The following RABL3 variants were observed in gnomAD, a reference collection of about 807,000 sequenced individuals.
The protein encoded by RABL3 is rab-like protein 3.
RABL3 carries 31 observed loss-of-function variants against 31.8 expected under a neutral mutation model. The observed-to-expected ratio is 0.97, with a 90% CI of 0.73 to 1.31. The LOEUF is 1.31. Among genes scored for constraint, RABL3 ranks in the 40% most tolerant of loss-of-function variants. The pLI, the probability that RABL3 is intolerant of heterozygous loss-of-function variation, is 0.00. For synonymous variants in RABL3, 97 were observed against 99.9 expected (o/e 0.97, Z 0.18); for missense variants, 263 against 279.6 (o/e 0.94, Z 0.42).
chr3:120,707,164 C>T (rs1272326777), intron 3 of RABL3, among the ~76,000 whole-genome samples: 1 of 152,120 alleles, frequency 6.6e-6, no homozygotes, highest in Non-Finnish European at 1.5e-5. Context: ...AATTAGCTGG[C>T]TTCTACAGTT....
At chr3:120,728,797 G>C (rs1708851313) in intron 2 of RABL3, among the ~76,000 whole-genome samples, 1 of 151,846 alleles carries the variant, frequency 6.6e-6, no homozygotes, top group South Asian at 2.1e-4. Flanking sequence ...GAGACAGAGA[G>C]AAAGAGTACA....
chr3:120,742,395 G>T, intron 1 of RABL3, 67 bp downstream of exon 1: 2 of 1,471,838 alleles, frequency 1.4e-6, no homozygotes, highest in Non-Finnish European at 1.9e-6. Context: ...AGGGAAGGAA[G>T]CTAAGGGGAG....
intron 6 of RABL3, among the ~76,000 whole-genome samples, chr3:120,692,520 A>G (rs1708392850): frequency 6.6e-6 from 1 of 152,170 alleles, no homozygotes; most frequent in African/African-American, 2.4e-5. Context: ...TTTATGCTAA[A>G]TTCTGGAAGA....
chr3:120,716,071 C>A (rs1169248294), intron 2 of RABL3, among the ~76,000 whole-genome samples: 1 of 152,200 alleles, frequency 6.6e-6, no homozygotes, highest in Non-Finnish European at 1.5e-5. Flanking sequence ...AGTGTCTGTA[C>A]ATTGTTAGGC....
intron 6 of RABL3, 124 bp from the exon 7 acceptor site, chr3:120,690,611 C>G: frequency 1.6e-6 from 1 of 624,884 alleles, no homozygotes; most frequent in Non-Finnish European, 2.9e-6. Context: ...TAGCAGTAGA[C>G]ATGTAGTACA....
At chr3:120,698,361 T>C (rs897576618) in intron 5 of RABL3, 62 bp downstream of exon 5, 151 of 1,418,482 alleles carry the variant, frequency 1.1e-4, no homozygotes, top group Non-Finnish European at 1.4e-4. Context: ...ATTATTTGAA[T>C]ATGTCTTCAG....
At chr3:120,694,408 G>T (rs1280481778) in intron 5 of RABL3, among the ~76,000 whole-genome samples, 184 bp from the exon 6 acceptor site, 1 of 152,068 alleles carries the variant, frequency 6.6e-6, no homozygotes, top group Non-Finnish European at 1.5e-5. Flanking sequence ...GGAAAATAAG[G>T]TCACTTAATC....
At chr3:120,689,941 A>G in intron 7 of RABL3, 53 bp from the exon 8 acceptor site, 1 of 1,391,372 alleles carries the variant, frequency 7.2e-7, no homozygotes, top group Non-Finnish European at 1.0e-6. Flanking sequence ...AAGTTCAAAT[A>G]CTAATAGTAA....
intron 1 of RABL3, among the ~76,000 whole-genome samples, chr3:120,740,295 T>G (rs1322522851): frequency 2.0e-5 from 3 of 152,278 alleles, no homozygotes; most frequent in African/African-American, 7.2e-5. Context: ...AGGGTCTCAC[T>G]CTATCACCCA....
chr3:120,694,938 T>TC (rs1393710173), intron 5 of RABL3, among the ~76,000 whole-genome samples: 2 of 150,746 alleles, frequency 1.3e-5, no homozygotes, highest in Non-Finnish European at 3.0e-5. Context: ...AGGCCTACTA[T>TC]CCGCTGGAAT....
At chr3:120,724,625 A>T (rs1336446458) in intron 2 of RABL3, among the ~76,000 whole-genome samples, 1 of 152,218 alleles carries the variant, frequency 6.6e-6, no homozygotes, top group Non-Finnish European at 1.5e-5. Flanking sequence ...GGAACAGAAC[A>T]GAGCCCTCAG....
At chr3:120,714,077 T>C (rs1310318517) in intron 2 of RABL3, among the ~76,000 whole-genome samples, 3 of 152,224 alleles carry the variant, frequency 2.0e-5, no homozygotes, top group Non-Finnish European at 4.4e-5. Context: ...CCCAAAGTGC[T>C]GGGATTACAG....
chr3:120,696,519 C>G (rs1708439180), intron 5 of RABL3, among the ~76,000 whole-genome samples: 1 of 151,802 alleles, frequency 6.6e-6, no homozygotes, highest in Non-Finnish European at 1.5e-5. Context: ...GTGCTAAAGT[C>G]TCACTACCTG....
At chr3:120,723,835 C>T (rs56267829) in intron 2 of RABL3, among the ~76,000 whole-genome samples, 34,694 of 151,786 alleles carry the variant, frequency 0.23, 4,677 homozygotes, top group Non-Finnish European at 0.3. Context: ...AACCCACAGC[C>T]AATATCATAC....
chr3:120,721,493 C>T (rs536336493), intron 2 of RABL3, among the ~76,000 whole-genome samples: 5 of 151,244 alleles, frequency 3.3e-5, no homozygotes, highest in African/African-American at 9.7e-5. Flanking sequence ...ATCTACTGAG[C>T]AAATGGAAAA....
At chr3:120,728,603 A>C (rs1708848637) in intron 2 of RABL3, among the ~76,000 whole-genome samples, 1 of 152,162 alleles carries the variant, frequency 6.6e-6, no homozygotes, top group Non-Finnish European at 1.5e-5. Flanking sequence ...CCTAATGCTA[A>C]ATGACGAGTT....
intron 1 of RABL3, among the ~76,000 whole-genome samples, chr3:120,733,483 C>T (rs943443475): frequency 2.6e-5 from 4 of 152,108 alleles, no homozygotes; most frequent in Non-Finnish European, 4.4e-5. Flanking sequence ...GAGTAGATTG[C>T]AAACATTTTC....
intron 6 of RABL3, 74 bp from the exon 7 acceptor site, chr3:120,690,561 G>T: frequency 1.1e-6 from 1 of 951,218 alleles, no homozygotes; most frequent in South Asian, 1.4e-5. Context: ...GACCACTAAT[G>T]GTACTAAAAG....
chr3:120,691,106 C>T (rs1576328914), intron 6 of RABL3, among the ~76,000 whole-genome samples: 1 of 152,226 alleles, frequency 6.6e-6, no homozygotes, highest in Non-Finnish European at 1.5e-5. Context: ...GTTCAAGCAG[C>T]AGATGTATCT....
Sources: allele counts gnomAD v4.1 joint callset (sites outside exome capture counted in the v4.1 genomes callset), GRCh38; gene constraint gnomAD v4.1.1; transcripts MANE v1.5; gene names NCBI Gene and HGNC (gene_info 2026-07-23, HGNC 2026-07-21).